The following BTNL8 variants were observed in gnomAD, a reference collection of about 807,000 sequenced individuals.
The protein encoded by BTNL8 is butyrophilin-like protein 8.
BTNL8 carries 22 observed loss-of-function variants against 36.1 expected under a neutral mutation model. That is an observed-to-expected ratio of 0.61 (90% confidence interval 0.44 to 0.87). BTNL8 has a LOEUF of 0.87. Among genes scored for constraint, BTNL8 ranks in the 40% least tolerant of loss-of-function variants. The probability of loss-of-function intolerance (pLI) is 0.00; values close to 1 mark genes in which losing one functional copy is unlikely to be tolerated. For synonymous variants in BTNL8, 203 were observed against 235.6 expected (o/e 0.86, Z 1.27); for missense variants, 526 against 616.9 (o/e 0.85, Z 1.56).
chr5:180,949,219 C>T lies in BTNL8; in HGVS notation c.836-20C>T, dbSNP rs1023675477. ...TCCCACGTGAGCACTGAACTGCCTG[C>T]TCTGTCTGCTTGCTTTCAGAATTGA... On this transcript the variant is annotated intron_variant, in intron 6 of 7. Transcript: ENST00000340184. 3 of 1,453,662 alleles carry T rather than the reference C, an allele frequency of 2.1e-6. No homozygotes were observed. The highest frequency in any genetic ancestry group is 2.8e-6 in the Non-Finnish European group (3 of 1,056,060). 90.0% of individuals were successfully genotyped at this position (1,453,662 alleles called of 1,614,324 possible). A position where few individuals can be genotyped will look rare whatever the true frequency, so the allele number is the denominator to read the frequency against.
chr5:180,911,273 G>T, intron 2 of BTNL8, 66 bp from the exon 3 acceptor site: 2 of 1,582,616 alleles, frequency 1.3e-6, no homozygotes, highest in South Asian at 2.4e-5. Flanking sequence ...GAATGCACCT[G>T]ACTCAGAATT....
At chr5:180,919,613 G>A (rs1757780549) in intron 3 of BTNL8, among the ~76,000 whole-genome samples, 1 of 152,138 alleles carries the variant, frequency 6.6e-6, no homozygotes, top group African/African-American at 2.4e-5. Flanking sequence ...AAACATAAAT[G>A]TCTCTGTTTG....
chr5:180,899,991 C>T (rs1331598103), intron 1 of BTNL8, among the ~76,000 whole-genome samples: 3 of 152,166 alleles, frequency 2.0e-5, no homozygotes, highest in East Asian at 3.9e-4. Context: ...ACAGAAGATT[C>T]GATTGACTGT....
chr5:180,899,602 A>G (rs1044735059), intron 1 of BTNL8, among the ~76,000 whole-genome samples: 2 of 152,206 alleles, frequency 1.3e-5, no homozygotes, highest in African/African-American at 4.8e-5. Context: ...GTTAAGGTGA[A>G]TAAATTCAGT....
Position 180,950,568 on chromosome 5 carries a change from CT to C in BTNL8, c.*27del. ...AGGATGAATCACATCCCACATTCTT[CT>C]TTAGGGATATTAAGGTCTCTCTCCC... On this transcript the variant is annotated 3_prime_UTR_variant, in exon 8 of 8. Transcript: ENST00000340184. 6.9e-7 allele frequency: 1 copy of C among 1,456,976 alleles called. No individual in the cohort carries two copies. The highest frequency in any genetic ancestry group is 9.5e-7 in the Non-Finnish European group (1 of 1,057,392). 90.3% of individuals were successfully genotyped at this position (1,456,976 alleles called of 1,614,324 possible). A position where few individuals can be genotyped will look rare whatever the true frequency, so the allele number is the denominator to read the frequency against.
chr5:180,917,626 C>T (rs1053219069), intron 3 of BTNL8, among the ~76,000 whole-genome samples: 4 of 152,106 alleles, frequency 2.6e-5, no homozygotes, highest in Non-Finnish European at 5.9e-5. Flanking sequence ...AATACCAGAC[C>T]AGTAATTAGT....
At chr5:180,938,767 C>A (rs1026175527) in intron 3 of BTNL8, among the ~76,000 whole-genome samples, 2 of 151,816 alleles carry the variant, frequency 1.3e-5, no homozygotes, top group Non-Finnish European at 2.9e-5. Flanking sequence ...CAGCAGATTT[C>A]TTAACAGAAA....
chr5:180,944,860 T>C (rs182112482), intron 3 of BTNL8, among the ~76,000 whole-genome samples: 98 of 152,282 alleles, frequency 6.4e-4, no homozygotes, highest in African/African-American at 2.2e-3. Flanking sequence ...TGTTCAGGGA[T>C]TGGAAGGATT....
intron 3 of BTNL8, among the ~76,000 whole-genome samples, chr5:180,916,530 A>G (rs6601152): frequency 0.45 from 68,241 of 151,930 alleles, 16,421 homozygotes; most frequent in African/African-American, 0.63. Context: ...ATAAAACTAA[A>G]TGTTGTTTAT....
intron 3 of BTNL8, among the ~76,000 whole-genome samples, chr5:180,926,756 C>T (rs1007062051): frequency 6.6e-6 from 1 of 152,202 alleles, no homozygotes; most frequent in Non-Finnish European, 1.5e-5. Flanking sequence ...CCTCTGTAGC[C>T]AGACTGCCTC....
At chr5:180,944,242 G>A (rs1759124989) in intron 3 of BTNL8, among the ~76,000 whole-genome samples, 1 of 152,180 alleles carries the variant, frequency 6.6e-6, no homozygotes, top group African/African-American at 2.4e-5. Flanking sequence ...GGAAGAAAAT[G>A]TTCTGGTGTC....
At chr5:180,902,511 TA>T in intron 1 of BTNL8, 1 of 1,073,894 alleles carries the variant, frequency 9.3e-7, no homozygotes, top group Non-Finnish European at 1.3e-6. Context: ...GGTCACACTA[TA>T]AAGGGTTTTT....
chr5:180,909,716 TAAA>T (rs578101929), intron 2 of BTNL8: 77 of 187,774 alleles, frequency 4.1e-4, no homozygotes, highest in Non-Finnish European at 6.3e-4. Flanking sequence ...TCATCTCTAT[TAAA>T]AAAAAAAAAA....
intron 3 of BTNL8, among the ~76,000 whole-genome samples, chr5:180,938,970 G>A (rs546571422): frequency 3.9e-5 from 6 of 152,252 alleles, no homozygotes; most frequent in Admixed American, 6.5e-5. Context: ...GGAGTCCTAT[G>A]TCTGGAAGGG....
chr5:180,913,931 A>C (rs932836514), intron 3 of BTNL8, among the ~76,000 whole-genome samples: 18 of 152,228 alleles, frequency 1.2e-4, no homozygotes, highest in African/African-American at 4.1e-4. Flanking sequence ...TTGAACTAAA[A>C]ATTAACAAAC....
chr5:180,914,526 A>G (rs921558981), intron 3 of BTNL8, among the ~76,000 whole-genome samples: 1 of 152,256 alleles, frequency 6.6e-6, no homozygotes, highest in African/African-American at 2.4e-5. Context: ...GAAAAAGAAA[A>G]ACAATTTAAT....
intron 3 of BTNL8, among the ~76,000 whole-genome samples, chr5:180,918,234 C>T (rs1034435383): frequency 1.3e-4 from 19 of 151,886 alleles, no homozygotes; most frequent in African/African-American, 4.6e-4. Context: ...CAAACATTTC[C>T]AACAAATATT....
chr5:180,947,855 G>A, intron 4 of BTNL8: 10 of 1,442,736 alleles, frequency 6.9e-6, no homozygotes, highest in Non-Finnish European at 8.4e-6. Context: ...ATAAGGGGAT[G>A]AATGATTTTC....
intron 1 of BTNL8, among the ~76,000 whole-genome samples, chr5:180,907,768 G>A (rs547442720): frequency 0.017 from 2,512 of 151,334 alleles, 37 homozygotes; most frequent in Middle Eastern, 0.044. Flanking sequence ...GTCTGTTGGA[G>A]TACCCTGCCG....
Sources: gnomAD v4.1 joint callset for allele counts (sites outside exome capture counted in the v4.1 genomes callset) on GRCh38, gnomAD v4.1.1 for gene constraint, MANE v1.5 for transcripts, NCBI Gene and HGNC (gene_info 2026-07-23, HGNC 2026-07-21) for gene names.